Variants in CLPB observed in about 807,000 individuals in gnomAD.
CLPB encodes the protein ClpB family mitochondrial disaggregase.
In CLPB, 40 loss-of-function variants were observed where a neutral mutation model predicts 78.4. That is an observed-to-expected ratio of 0.51 (90% CI 0.40 to 0.66). The LOEUF is 0.66. Ranked by LOEUF, CLPB falls within the 30% of genes least tolerant of loss-of-function variation. The probability of loss-of-function intolerance (pLI) is 0.00; values close to 1 mark genes in which losing one functional copy is unlikely to be tolerated. For missense variants in CLPB, 780 were observed against 886.9 expected (o/e 0.88, Z 1.53); for synonymous variants, 333 against 348.0 (o/e 0.96, Z 0.48).
At chr11:72,301,648 G>A (rs560776430) in intron 11 of CLPB, among the ~76,000 whole-genome samples, 155 bp downstream of exon 11, 1 of 152,332 alleles carries the variant, frequency 6.6e-6, no homozygotes, top group Non-Finnish European at 1.5e-5. Context: ...AGTGCAGAGG[G>A]GCTAAGTTGC....
At chr11:72,404,563 G>A (rs937630925) in intron 2 of CLPB, among the ~76,000 whole-genome samples, 16 of 152,196 alleles carry the variant, frequency 1.1e-4, no homozygotes, top group African/African-American at 3.9e-4. Context: ...CATCTCATGA[G>A]TGATATGAAT....
chr11:72,310,388 C>T (rs1485990927), intron 7 of CLPB, among the ~76,000 whole-genome samples: 2 of 152,174 alleles, frequency 1.3e-5, no homozygotes, highest in Non-Finnish European at 2.9e-5. Context: ...TCTAAACTAA[C>T]TGGCCCAGGA....
At chr11:72,370,829 C>T (rs1951028212) in intron 4 of CLPB, among the ~76,000 whole-genome samples, 1 of 152,226 alleles carries the variant, frequency 6.6e-6, no homozygotes, top group African/African-American at 2.4e-5. Context: ...TCACCTCCCT[C>T]TGCTTCTCTA....
At chr11:72,422,290 A>AC (rs1856232983) in intron 2 of CLPB, among the ~76,000 whole-genome samples, 1 of 151,286 alleles carries the variant, frequency 6.6e-6, no homozygotes, top group Admixed American at 6.6e-5. Context: ...AAAAAAAAAA[A>AC]ACTAGGGAAC....
At chr11:72,297,525 G>A (rs1280239301) in intron 11 of CLPB, among the ~76,000 whole-genome samples, 1 of 152,178 alleles carries the variant, frequency 6.6e-6, no homozygotes. Context: ...GGGAAGCAAG[G>A]GTGCAAGCAG....
chr11:72,374,142 G>A (rs1425717507), intron 4 of CLPB, among the ~76,000 whole-genome samples: 3 of 152,116 alleles, frequency 2.0e-5, no homozygotes, highest in African/African-American at 7.2e-5. Flanking sequence ...TACCCCTTGA[G>A]TGGTGAGTTG....
chr11:72,409,735 T>C (rs1434873088), intron 2 of CLPB, among the ~76,000 whole-genome samples: 1 of 152,188 alleles, frequency 6.6e-6, no homozygotes, highest in African/African-American at 2.4e-5. Context: ...CCCAGCACTT[T>C]GGAAGACGGA....
chr11:72,383,855 T>C (rs770548066), intron 3 of CLPB, among the ~76,000 whole-genome samples: 27 of 152,224 alleles, frequency 1.8e-4, no homozygotes, highest in Non-Finnish European at 3.4e-4. Context: ...AATAAATTTA[T>C]ATGAAATGCT....
chr11:72,349,953 A>T lies in CLPB; in HGVS notation c.775+8927T>A, dbSNP rs7122437. Among the ~76,000 whole-genome samples, 1,146 of 152,368 alleles carry T rather than the reference A, an allele frequency of 7.5e-3. 7 individuals are homozygous for T. Among genetic ancestry groups the T allele is most frequent in the African/African-American group, 0.024 (995 of 41,590 alleles). On this transcript the variant is annotated intron_variant, in intron 5 of 15. Transcript: ENST00000538039. The stretch of plus-strand genomic sequence containing the variant: ...GATGAGGTCATGCCGGATACCGGCC[A>T]GGCTCATCTGAGGACTGCTTGGAGC...
chr11:72,297,700 T>TGA lies in CLPB; in HGVS notation c.1330-2053_1330-2052insTC, dbSNP rs1555085590. Among the ~76,000 whole-genome samples the TGA allele has an allele frequency of 2.4e-4, 29 of 122,024 alleles. 1 individual carries two copies. Among genetic ancestry groups the TGA allele is most frequent in the Middle Eastern group, 4.5e-3 (1 of 222 alleles). 80.1% of individuals were successfully genotyped at this position (122,024 alleles called of 152,430 possible). A position where few individuals can be genotyped will look rare whatever the true frequency, so the allele number is the denominator to read the frequency against. On this transcript the variant is annotated intron_variant, in intron 11 of 15. Coordinates refer to ENST00000538039, the MANE Select transcript of CLPB (RefSeq NM_001258392.3). ...GTGTGTGTGTGTGTGTGTGTGTGTG[T>TGA]GTGACATGTCCAAGCATGTGCATAT... is the stretch of plus-strand genomic sequence containing the variant.
chr11:72,405,918 A>G (rs1855696105), intron 2 of CLPB, among the ~76,000 whole-genome samples: 1 of 149,502 alleles, frequency 6.7e-6, no homozygotes, highest in Non-Finnish European at 1.5e-5. Context: ...ACAGAGTGAG[A>G]CTCTGTCTCA....
rs1420572389 is a variant in CLPB, at chr11:72,290,531, TAAG to T, written c.*2833_*2835del. The T allele has an allele frequency of 6.6e-6, 1 of 152,208 alleles. No individual in the cohort carries two copies. Among genetic ancestry groups the T allele is most frequent in the African/African-American group, 2.4e-5 (1 of 41,456 alleles). The allele number at this position is 152,208 out of a possible 1,614,324, so 9.4% of individuals were successfully genotyped here. ...AAATGAAAATCAGTAGGCAAAATTTTAAGAATAAGACATTCACATAGCTTCAAA... is the reference window on the plus strand; with the variant it reads ...AAATGAAAATCAGTAGGCAAAATTTTAATAAGACATTCACATAGCTTCAAA... On this transcript the variant is annotated 3_prime_UTR_variant, in exon 16 of 16. Coordinates refer to ENST00000538039, the MANE Select transcript of CLPB (RefSeq NM_001258392.3).
intron 3 of CLPB, among the ~76,000 whole-genome samples, 173 bp from the exon 4 acceptor site, chr11:72,380,557 G>A (rs1565473923): frequency 6.6e-6 from 1 of 152,140 alleles, no homozygotes; most frequent in Non-Finnish European, 1.5e-5. Flanking sequence ...GAAAGACAGG[G>A]ACAGGAGATC....
At chr11:72,326,268 T>C (rs1046217466) in intron 6 of CLPB, among the ~76,000 whole-genome samples, 2 of 152,136 alleles carry the variant, frequency 1.3e-5, no homozygotes, top group African/African-American at 4.8e-5. Context: ...TTCAGCTCAG[T>C]TGTCATCTCT....
chr11:72,386,707 C>T (rs1036975162), intron 3 of CLPB, among the ~76,000 whole-genome samples: 1 of 152,176 alleles, frequency 6.6e-6, no homozygotes, highest in Admixed American at 6.5e-5. Context: ...TGCCTACTCA[C>T]CTTACCTAAA....
At chr11:72,408,093 C>A (rs1277421099) in intron 2 of CLPB, 1 of 1,528,218 alleles carries the variant, frequency 6.5e-7, no homozygotes, top group African/African-American at 1.4e-5. Context: ...AAGGGCTCTA[C>A]AAACCTGAGG....
intron 2 of CLPB, among the ~76,000 whole-genome samples, chr11:72,407,131 T>C (rs949261210): frequency 1.3e-5 from 2 of 152,212 alleles, no homozygotes; most frequent in African/African-American, 2.4e-5. Flanking sequence ...GAACATCCTC[T>C]CCTATGTCCC....
chr11:72,357,694 G>A (rs1340532692), intron 5 of CLPB, among the ~76,000 whole-genome samples: 4 of 113,444 alleles, frequency 3.5e-5, no homozygotes, highest in Admixed American at 1.1e-4. Flanking sequence ...AAAACTCCGT[G>A]TCCCAGAAAA....
intron 5 of CLPB, among the ~76,000 whole-genome samples, chr11:72,351,119 G>T (rs753337829): frequency 5.3e-5 from 8 of 152,138 alleles, no homozygotes; most frequent in Non-Finnish European, 1.2e-4. Flanking sequence ...GAGGAAAAAA[G>T]TGATGTTAGA....
Sources: gnomAD v4.1 joint callset for allele counts (sites outside exome capture counted in the v4.1 genomes callset) on GRCh38, gnomAD v4.1.1 for gene constraint, MANE v1.5 for transcripts, NCBI Gene and HGNC (gene_info 2026-07-23, HGNC 2026-07-21) for gene names.